Variants in METTL16 observed in about 807,000 individuals in gnomAD.
The protein encoded by METTL16 is RNA N(6)-adenosine-methyltransferase METTL16.
METTL16 carries 19 observed loss-of-function variants against 57.9 expected under a neutral mutation model. That is an observed-to-expected ratio of 0.33 (90% CI 0.23 to 0.48). The LOEUF (loss-of-function observed/expected upper bound fraction) is 0.48, where lower values mean the gene tolerates loss of function less well. Among genes scored for constraint, METTL16 ranks in the 20% least tolerant of loss-of-function variants. The probability of loss-of-function intolerance (pLI) is 0.99; values close to 1 mark genes in which losing one functional copy is unlikely to be tolerated. For synonymous variants in METTL16, 246 were observed against 255.6 expected, an observed-to-expected ratio of 0.96 and a Z score of 0.36; for missense variants, 434 against 691.5, an observed-to-expected ratio of 0.63 and a Z score of 4.18.
chr17:2,509,046 T>A (rs1308997608), intron 1 of METTL16, among the ~76,000 whole-genome samples: 7 of 152,166 alleles, frequency 4.6e-5, no homozygotes, highest in African/African-American at 1.7e-4. Flanking sequence ...GCAGCCTTTC[T>A]CTGACCCCAC....
At chr17:2,439,613 T>C (rs999179408) in intron 7 of METTL16, among the ~76,000 whole-genome samples, 2 of 151,982 alleles carry the variant, frequency 1.3e-5, no homozygotes, top group African/African-American at 4.8e-5. Context: ...GTTGAACTTG[T>C]CTTGGAGGCA....
chr17:2,441,948 G>A (rs142634647), intron 6 of METTL16, among the ~76,000 whole-genome samples: 2 of 152,166 alleles, frequency 1.3e-5, no homozygotes, highest in Admixed American at 1.3e-4. Flanking sequence ...ATTAGATCCA[G>A]CATGAACCTG....
Position 2,420,104 on chromosome 17 carries a change from A to G in METTL16, c.1555T>C (p.Leu519=). The change falls in exon 10 of 10, where the codon TTG becomes CTG. Residue 519 remains leucine (L), a synonymous_variant. Transcript: ENST00000263092. This position sits in a 1 kb window ranked among gnomAD's most constrained non-coding sequence, Gnocchi z 5.4. ...GVAGQYLFKC[L]INVKKEVDDA... The stretch of plus-strand genomic sequence containing the variant: ...TCCACCTCCTTCTTAACGTTTATCA[A>G]ACACTTAAACAGGTACTGTCCGGCC... The G allele has an allele frequency of 6.2e-7, 1 of 1,614,194 alleles. No individual in the cohort carries two copies. Among genetic ancestry groups the G allele is most frequent in the South Asian group, 1.1e-5 (1 of 91,086 alleles).
chr17:2,465,546 CAAAAAAAA>C (rs547864019), intron 5 of METTL16, among the ~76,000 whole-genome samples: 1 of 24,496 alleles, frequency 4.1e-5, no homozygotes. Flanking sequence ...GACTCCATCT[CAAAAAAAA>C]AAAAAAAAAA....
At chr17:2,440,684 C>A (rs748970642) in intron 7 of METTL16, among the ~76,000 whole-genome samples, 12 of 151,916 alleles carry the variant, frequency 7.9e-5, no homozygotes, top group Non-Finnish European at 1.6e-4. Flanking sequence ...GAAAAGAAAT[C>A]ATTAGGTGGG....
intron 2 of METTL16, among the ~76,000 whole-genome samples, chr17:2,482,877 C>A (rs1001482218): frequency 2.6e-5 from 4 of 152,092 alleles, no homozygotes; most frequent in African/African-American, 9.7e-5. Flanking sequence ...CATCACTGCA[C>A]TCCAGCCTGG....
intron 2 of METTL16, among the ~76,000 whole-genome samples, chr17:2,501,412 G>C (rs2151579856): frequency 6.6e-6 from 1 of 152,210 alleles, no homozygotes; most frequent in Middle Eastern, 3.4e-3. Flanking sequence ...TTGGGCAACA[G>C]AGCAAGATCC....
At chr17:2,480,869 T>C (rs1461662729) in intron 2 of METTL16, among the ~76,000 whole-genome samples, 1 of 152,208 alleles carries the variant, frequency 6.6e-6, no homozygotes, top group African/African-American at 2.4e-5. Context: ...TTAAGAATTA[T>C]CAATGGATGC....
chr17:2,467,843 T>C lies in METTL16; in HGVS notation c.503A>G (p.Asp168Gly). The C allele has an allele frequency of 6.2e-7, 1 of 1,614,128 alleles. No homozygotes were observed. Among genetic ancestry groups the C allele is most frequent in the Non-Finnish European group, 8.5e-7 (1 of 1,179,978 alleles). ...VKVPQKTLLM[D>G]ALKEESEIIY... ...TATCTCAGATTCTTCTTTAAGAGCA[T>C]CCATCAGGAGTGTCTTCTGTGGCAC... The change falls in exon 5 of 10, where the codon GAT becomes GGT. Residue 168 changes from aspartate (D) to glycine (G), a missense_variant. Asp to Gly is a moderately conservative substitution (Grantham distance 94, BLOSUM62 -1). Coordinates refer to ENST00000263092, the MANE Select transcript of METTL16 (RefSeq NM_024086.4).
rs1319506786 is a variant in METTL16 at position 2,473,508 on chromosome 17, A to T, written c.469+16T>A. On this transcript the variant is annotated intron_variant, in intron 4 of 9. Coordinates refer to ENST00000263092, the MANE Select transcript of METTL16 (RefSeq NM_024086.4). ...GAAGACACAAAGTTTGGAGGCATTC[A>T]TTCTGTGGCGCTAACCTTTTATGAG... is the stretch of plus-strand genomic sequence containing the variant. The T allele has an allele frequency of 6.2e-7, 1 of 1,603,358 alleles. No homozygotes were observed. The highest frequency in any genetic ancestry group is 1.7e-5 in the Admixed American group (1 of 57,494).
At chr17:2,491,304 G>T (rs543251730) in intron 2 of METTL16, among the ~76,000 whole-genome samples, 1 of 152,268 alleles carries the variant, frequency 6.6e-6, no homozygotes, top group African/African-American at 2.4e-5. Context: ...CAGGCTCATG[G>T]CCGATTTCCC....
chr17:2,434,924 C>T (rs2066898855), intron 8 of METTL16, among the ~76,000 whole-genome samples: 2 of 152,214 alleles, frequency 1.3e-5, no homozygotes, highest in South Asian at 4.1e-4. Flanking sequence ...CTACACTTTC[C>T]CCTTTTTCTC....
intron 6 of METTL16, among the ~76,000 whole-genome samples, chr17:2,449,520 G>GAAAACAA (rs60709420): frequency 0.26 from 38,557 of 151,066 alleles, 7,930 homozygotes; most frequent in African/African-American, 0.57. Context: ...AAACAATTTT[G>GAAAACAA]AAAACAAAAA....
chr17:2,452,746 T>C (rs1444384483), intron 6 of METTL16, among the ~76,000 whole-genome samples: 1 of 152,232 alleles, frequency 6.6e-6, no homozygotes, highest in South Asian at 2.1e-4. Context: ...TGTGTGTATG[T>C]GTTTTTTCCT....
At chr17:2,461,217 C>T (rs941969848) in intron 6 of METTL16, among the ~76,000 whole-genome samples, 5 of 151,956 alleles carry the variant, frequency 3.3e-5, no homozygotes, top group Middle Eastern at 3.4e-3. Context: ...CTTAGCCAGG[C>T]GTGGTGGCGC....
chr17:2,430,473 T>C (rs2066865282), intron 8 of METTL16, among the ~76,000 whole-genome samples: 1 of 146,640 alleles, frequency 6.8e-6, no homozygotes, highest in South Asian at 2.2e-4. Flanking sequence ...TGGAGTGCAG[T>C]GGCGGGATCT....
In METTL16 at chr17:2,418,605, A is replaced by G. The variant is rs533799686; in HGVS notation, c.*1365T>C. 1.3e-5 allele frequency: 2 copies of G among 152,394 alleles called. No individual in the cohort carries two copies. Among genetic ancestry groups the G allele is most frequent in the Admixed American group, 6.5e-5 (1 of 15,292 alleles). 9.4% of individuals were successfully genotyped at this position (152,394 alleles called of 1,614,324 possible). On this transcript the variant is annotated 3_prime_UTR_variant, in exon 10 of 10. Coordinates refer to ENST00000263092, the MANE Select transcript of METTL16 (RefSeq NM_024086.4). ...AACTCCACCTCATAACAAACAATCA[A>G]TCAAAAAGCCACTGGTCAGTATGCT...
chr17:2,449,166 T>A (rs1239532873), intron 6 of METTL16, among the ~76,000 whole-genome samples: 1 of 152,152 alleles, frequency 6.6e-6, no homozygotes, highest in Non-Finnish European at 1.5e-5. Context: ...ATAAAGTTCG[T>A]ATAATGTGTG....
chr17:2,482,298 T>C (rs2067313005), intron 2 of METTL16, among the ~76,000 whole-genome samples: 1 of 152,240 alleles, frequency 6.6e-6, no homozygotes, highest in Non-Finnish European at 1.5e-5. Context: ...TTAGAGGACC[T>C]GCTATACATC....
Sources: allele counts gnomAD v4.1 joint callset (sites outside exome capture counted in the v4.1 genomes callset), GRCh38; gene constraint gnomAD v4.1.1; non-coding constraint Gnocchi (gnomAD v3.1); transcripts MANE v1.5; gene names NCBI Gene and HGNC (gene_info 2026-07-23, HGNC 2026-07-21).